The following PELI2 variants were observed in gnomAD, a reference collection of about 807,000 sequenced individuals.
The protein encoded by PELI2 is E3 ubiquitin-protein ligase pellino homolog 2.
In PELI2, 23 loss-of-function variants were observed where a neutral mutation model predicts 42.3. The observed-to-expected ratio is 0.54, with a 90% CI of 0.39 to 0.77. The LOEUF (loss-of-function observed/expected upper bound fraction) is 0.77, where lower values mean the gene tolerates loss of function less well. PELI2 is among the 30% of genes least tolerant of loss of function. The pLI is 0.00. For missense variants in PELI2, 463 were observed against 553.2 expected (o/e 0.84, Z 1.64); for synonymous variants, 245 against 212.2 (o/e 1.15, Z -1.34).
At chr14:56,254,572 T>C (rs1888459713) in intron 2 of PELI2, among the ~76,000 whole-genome samples, 1 of 152,120 alleles carries the variant, frequency 6.6e-6, no homozygotes, top group South Asian at 2.1e-4. Context: ...ATTCAGGGCA[T>C]AGGCGTGGGC....
Position 56,197,200 on chromosome 14 carries a change from T to A in PELI2, c.207+18736T>A, listed in dbSNP as rs939180925. ...AAATCAAACAAATAAATATATAATA[T>A]TCATTGGTGCTCAGCACTGTCAAGG... On this transcript the variant is annotated intron_variant, in intron 2 of 5. Transcript: ENST00000267460. This position sits in a 1 kb window ranked among gnomAD's most constrained non-coding sequence, Gnocchi z 4.9. 2.0e-5 allele frequency among the ~76,000 whole-genome samples: 3 copies of A among 152,186 alleles called. No homozygotes were observed. Among genetic ancestry groups the A allele is most frequent in the Non-Finnish European group, 4.4e-5 (3 of 68,036 alleles).
intron 2 of PELI2, among the ~76,000 whole-genome samples, chr14:56,221,003 G>A (rs973522350): frequency 6.6e-6 from 1 of 152,184 alleles, no homozygotes; most frequent in Non-Finnish European, 1.5e-5. Flanking sequence ...CCAGGTGACC[G>A]TTAGGCCTCA....
At chr14:56,118,790 C>T in intron 1 of PELI2, 53 bp downstream of exon 1, 1 of 1,267,890 alleles carries the variant, frequency 7.9e-7, no homozygotes, top group Non-Finnish European at 1.1e-6. Flanking sequence ...GGAGCGCCCG[C>T]ATCCTGGAGC....
At chr14:56,279,967 T>C (rs548024629) in intron 3 of PELI2, among the ~76,000 whole-genome samples, 190 bp downstream of exon 3, 1 of 152,278 alleles carries the variant, frequency 6.6e-6, no homozygotes, top group Admixed American at 6.5e-5. Flanking sequence ...AGGGAAATTA[T>C]AAAGGCTACA....
At chr14:56,293,594 G>A (rs1889905360) in intron 5 of PELI2, among the ~76,000 whole-genome samples, 1 of 152,186 alleles carries the variant, frequency 6.6e-6, no homozygotes, top group Non-Finnish European at 1.5e-5. Flanking sequence ...ACTAAGCAGG[G>A]GTTGCAAACT....
intron 2 of PELI2, among the ~76,000 whole-genome samples, chr14:56,191,865 C>T (rs1005641980): frequency 3.3e-5 from 5 of 152,138 alleles, no homozygotes; most frequent in Non-Finnish European, 7.4e-5. Context: ...GACAGAGTGT[C>T]GCTCTGTCAC....
chr14:56,278,341 A>T (rs1273206199), intron 2 of PELI2, among the ~76,000 whole-genome samples: 1 of 152,180 alleles, frequency 6.6e-6, no homozygotes, highest in Non-Finnish European at 1.5e-5. Context: ...TTGTGAAATG[A>T]TTACCACAAA....
chr14:56,128,293 T>G (rs370846707), intron 1 of PELI2, among the ~76,000 whole-genome samples: 17 of 152,230 alleles, frequency 1.1e-4, no homozygotes, highest in African/African-American at 4.1e-4. Flanking sequence ...AACAAATCAT[T>G]AATTAGGGTG....
At chr14:56,275,315 A>T (rs528595491) in intron 2 of PELI2, among the ~76,000 whole-genome samples, 1 of 152,312 alleles carries the variant, frequency 6.6e-6, no homozygotes, top group African/African-American at 2.4e-5. Flanking sequence ...TGTGAAAAAC[A>T]ATTTCTCCAC....
chr14:56,129,093 G>A (rs1883386725), intron 1 of PELI2, among the ~76,000 whole-genome samples: 1 of 152,130 alleles, frequency 6.6e-6, no homozygotes, highest in Admixed American at 6.5e-5. Context: ...TTGAAAGGAA[G>A]GACCTGGGCC....
At chr14:56,165,832 C>G (rs917549903) in intron 1 of PELI2, among the ~76,000 whole-genome samples, 5 of 152,048 alleles carry the variant, frequency 3.3e-5, no homozygotes, top group African/African-American at 9.7e-5. Flanking sequence ...TATAGCAACT[C>G]CTGCTCTTTT....
intron 2 of PELI2, among the ~76,000 whole-genome samples, chr14:56,277,509 A>G (rs939305016): frequency 1.3e-5 from 2 of 152,050 alleles, no homozygotes; most frequent in African/African-American, 4.8e-5. Flanking sequence ...ATTTAATTAC[A>G]TATTACAATG....
intron 1 of PELI2, among the ~76,000 whole-genome samples, chr14:56,141,878 A>C (rs1372668901): frequency 6.6e-6 from 1 of 152,220 alleles, no homozygotes; most frequent in Non-Finnish European, 1.5e-5. Flanking sequence ...TTTGAATTAT[A>C]AACATTTCAT....
intron 2 of PELI2, among the ~76,000 whole-genome samples, chr14:56,257,962 A>C (rs1888579482): frequency 6.6e-6 from 1 of 152,214 alleles, no homozygotes; most frequent in South Asian, 2.1e-4. Flanking sequence ...TTGGTCAGGT[A>C]CTGTTTTGTT....
At chr14:56,130,796 C>G (rs771267795) in intron 1 of PELI2, among the ~76,000 whole-genome samples, 6 of 152,088 alleles carry the variant, frequency 3.9e-5, no homozygotes, top group Non-Finnish European at 7.4e-5. Flanking sequence ...CCTTTGTCAT[C>G]CAAAGTAATA....
intron 1 of PELI2, among the ~76,000 whole-genome samples, chr14:56,128,035 A>G (rs1883342107): frequency 1.3e-5 from 2 of 152,270 alleles, no homozygotes; most frequent in East Asian, 1.9e-4. Flanking sequence ...AATGGGATTC[A>G]TTGATCCTGC....
At chr14:56,165,965 A>T (rs191244006) in intron 1 of PELI2, among the ~76,000 whole-genome samples, 5 of 152,276 alleles carry the variant, frequency 3.3e-5, no homozygotes, top group Non-Finnish European at 7.4e-5. Flanking sequence ...GGGTCTTTAC[A>T]TTAAATGTAA....
At position 56,118,749 on chromosome 14, in the gene PELI2, G is replaced by T. The variant is rs1366305589; in HGVS notation, c.77+12G>T. On this transcript the variant is annotated intron_variant, in intron 1 of 5. Coordinates refer to ENST00000267460, the MANE Select transcript of PELI2 (RefSeq NM_021255.3). ...CTGGTGGTGCTCGGGTGAGTCCTGGGGTCCCTGGTCCCGGGCAGCGGCGCG... is the reference window on the plus strand; with the variant it reads ...CTGGTGGTGCTCGGGTGAGTCCTGGTGTCCCTGGTCCCGGGCAGCGGCGCG... The T allele has an allele frequency of 6.8e-7, 1 of 1,481,386 alleles. No individual in the cohort carries two copies. Among genetic ancestry groups the T allele is most frequent in the Admixed American group, 2.2e-5 (1 of 45,766 alleles). 91.8% of individuals were successfully genotyped at this position (1,481,386 alleles called of 1,614,324 possible). A position where few individuals can be genotyped will look rare whatever the true frequency, so the allele number is the denominator to read the frequency against.
intron 1 of PELI2, among the ~76,000 whole-genome samples, chr14:56,169,984 C>T (rs1885107110): frequency 6.6e-6 from 1 of 152,210 alleles, no homozygotes; most frequent in Non-Finnish European, 1.5e-5. Flanking sequence ...TGCATTTATA[C>T]AGTGAGTTAG....
Sources: allele counts gnomAD v4.1 joint callset (sites outside exome capture counted in the v4.1 genomes callset), GRCh38; gene constraint gnomAD v4.1.1; non-coding constraint Gnocchi (gnomAD v3.1); transcripts MANE v1.5; gene names NCBI Gene and HGNC (gene_info 2026-07-23, HGNC 2026-07-21).